Variants in ADAMTS17 observed in about 807,000 individuals in gnomAD.
The protein encoded by ADAMTS17 is A disintegrin and metalloproteinase with thrombospondin motifs 17.
ADAMTS17 carries 113 observed loss-of-function variants against 141.5 expected under a neutral mutation model. The ratio of observed to expected loss-of-function variants is 0.80; its 90% confidence interval spans 0.69 to 0.93. The LOEUF (loss-of-function observed/expected upper bound fraction) is 0.93. Among genes scored for constraint, ADAMTS17 ranks in the 40% least tolerant of loss-of-function variants. The pLI, the probability that ADAMTS17 is intolerant of heterozygous loss-of-function variation, is 0.00. For synonymous variants in ADAMTS17, 768 were observed against 630.6 expected (o/e 1.22, Z -3.27); for missense variants, 1,659 against 1,517.9 (o/e 1.09, Z -1.54).
chr15:100,033,791 A>C (rs1328694961), intron 18 of ADAMTS17, among the ~76,000 whole-genome samples: 1 of 151,920 alleles, frequency 6.6e-6, no homozygotes, highest in Non-Finnish European at 1.5e-5. Flanking sequence ...TTTGGGAGCT[A>C]CTCCACATTC....
intron 4 of ADAMTS17, among the ~76,000 whole-genome samples, chr15:100,271,677 G>A (rs1438779070): frequency 1.3e-5 from 2 of 151,810 alleles, no homozygotes; most frequent in Non-Finnish European, 2.9e-5. Flanking sequence ...CCTATTCCGT[G>A]GGTTGCCATT....
intron 8 of ADAMTS17, among the ~76,000 whole-genome samples, chr15:100,188,994 G>A (rs530232401): frequency 1.8e-4 from 27 of 152,344 alleles, no homozygotes; most frequent in African/African-American, 6.0e-4. Flanking sequence ...TGAGGAATGA[G>A]TTAAACCAAA....
chr15:100,135,607 A>G (rs1035732870), intron 10 of ADAMTS17, among the ~76,000 whole-genome samples: 7 of 152,178 alleles, frequency 4.6e-5, no homozygotes, highest in Non-Finnish European at 8.8e-5. Context: ...CTGTTTACCA[A>G]AAGGCAACTG....
intron 10 of ADAMTS17, among the ~76,000 whole-genome samples, chr15:100,134,611 A>C (rs2038230755): frequency 6.6e-6 from 1 of 152,184 alleles, no homozygotes; most frequent in African/African-American, 2.4e-5. Context: ...CTTCCAAGTA[A>C]TCTCAAACAT....
intron 7 of ADAMTS17, among the ~76,000 whole-genome samples, chr15:100,201,922 G>A (rs1465149625): frequency 6.6e-6 from 1 of 152,222 alleles, no homozygotes; most frequent in Non-Finnish European, 1.5e-5. Flanking sequence ...TGTGCACGCG[G>A]CCCACGTGGG....
chr15:100,244,873 T>C (rs2042939907), intron 7 of ADAMTS17, among the ~76,000 whole-genome samples: 1 of 152,146 alleles, frequency 6.6e-6, no homozygotes, highest in South Asian at 2.1e-4. Context: ...GGACTCACAG[T>C]GACAGAGGAA....
chr15:100,221,487 T>C lies in ADAMTS17; in HGVS notation c.1076-22064A>G, dbSNP rs556297979. Among the ~76,000 whole-genome samples the C allele has an allele frequency of 1.1e-4, 16 of 152,342 alleles. No individual in the cohort carries two copies. The South Asian group carries it at 1.9e-3, about 18-fold the overall frequency. On this transcript the variant is annotated intron_variant, in intron 7 of 21. Transcript: ENST00000268070. ...TGAATGGTCAGCCGTTGGGAAATTTTATGCTATAATACCTATTGTTCTTTT... is the reference window on the plus strand; with the variant it reads ...TGAATGGTCAGCCGTTGGGAAATTTCATGCTATAATACCTATTGTTCTTTT...
Position 100,331,066 on chromosome 15 carries a change from G to A in ADAMTS17, c.451-12C>T. The A allele has an allele frequency of 6.2e-7, 1 of 1,614,184 alleles. No homozygotes were observed. Among genetic ancestry groups the A allele is most frequent in the Non-Finnish European group, 8.5e-7 (1 of 1,180,028 alleles). ...TGAATGAGGCCAACCTGTCCAGAAA[G>A]GAGAAGGAAACGCGATGTCGGTCAT... On this transcript the variant is annotated splice_polypyrimidine_tract_variant and intron_variant, in intron 2 of 21. Coordinates refer to ENST00000268070, the MANE Select transcript of ADAMTS17 (RefSeq NM_139057.4).
chr15:100,114,600 C>T (rs371596015), intron 13 of ADAMTS17, among the ~76,000 whole-genome samples: 4 of 152,186 alleles, frequency 2.6e-5, no homozygotes, highest in African/African-American at 7.2e-5. Context: ...CTCCTTCAAA[C>T]GCGAGATACT....
chr15:100,022,454 G>A (rs933746026), intron 18 of ADAMTS17, among the ~76,000 whole-genome samples: 2 of 152,206 alleles, frequency 1.3e-5, no homozygotes, highest in Admixed American at 1.3e-4. Context: ...AGTGGGATAA[G>A]TCTACATTAA....
intron 10 of ADAMTS17, 93 bp downstream of exon 10, chr15:100,152,518 TG>T (rs977360362): frequency 2.6e-6 from 4 of 1,541,958 alleles, no homozygotes; most frequent in Non-Finnish European, 3.5e-6. Flanking sequence ...CTGTGCTGAG[TG>T]TGAATGCCCA....
At chr15:100,081,695 C>A (rs532990849) in intron 15 of ADAMTS17, among the ~76,000 whole-genome samples, 1 of 152,170 alleles carries the variant, frequency 6.6e-6, no homozygotes, top group Non-Finnish European at 1.5e-5. Context: ...CAACACTATA[C>A]GAGAGTAAAC....
chr15:100,276,632 A>T (rs2044106743), intron 4 of ADAMTS17, among the ~76,000 whole-genome samples: 1 of 152,064 alleles, frequency 6.6e-6, no homozygotes, highest in South Asian at 2.1e-4. Context: ...TTTCCTTCCA[A>T]ATCTGGAGGG....
intron 8 of ADAMTS17, among the ~76,000 whole-genome samples, chr15:100,192,055 T>C (rs1245098377): frequency 2.0e-5 from 3 of 152,102 alleles, no homozygotes; most frequent in Non-Finnish European, 2.9e-5. Flanking sequence ...TAAATATAAA[T>C]ACATAAATAA....
chr15:100,178,629 T>G (rs2141513331), intron 8 of ADAMTS17, among the ~76,000 whole-genome samples: 1 of 152,324 alleles, frequency 6.6e-6, no homozygotes, highest in East Asian at 1.9e-4. Context: ...CTGTTGTTTT[T>G]TACTATTGTT....
intron 3 of ADAMTS17, among the ~76,000 whole-genome samples, chr15:100,323,084 C>CAAAAA (rs60468549): frequency 0.065 from 6,985 of 107,108 alleles, 390 homozygotes; most frequent in Non-Finnish European, 0.1. Context: ...GACTCCGTCT[C>CAAAAA]AAAAAAAAAA....
Position 99,997,326 on chromosome 15 carries a change from C to T in ADAMTS17, c.2796+59G>A. The T allele has an allele frequency of 1.3e-6, 2 of 1,598,602 alleles. No individual in the cohort carries two copies. Among genetic ancestry groups the T allele is most frequent in the Non-Finnish European group, 1.7e-6 (2 of 1,167,920 alleles). ...GGGAGGCACCAGAATGTCACCAATA[C>T]CATGGCACCGTGTTGGAGTCCCTGT... On this transcript the variant is annotated intron_variant, in intron 19 of 21. Coordinates refer to ENST00000268070, the MANE Select transcript of ADAMTS17 (RefSeq NM_139057.4). The surrounding 1 kb of genome is among the most constrained non-coding windows in gnomAD (Gnocchi z 4.7).
At chr15:100,174,002 T>A (rs556483176) in intron 8 of ADAMTS17, among the ~76,000 whole-genome samples, 1 of 152,262 alleles carries the variant, frequency 6.6e-6, no homozygotes, top group Admixed American at 6.5e-5. Flanking sequence ...CCTTCACACA[T>A]CTTCCAGGCA....
In ADAMTS17 at chr15:100,109,087, G is replaced by A. The variant is rs1334039380; in HGVS notation, c.1918C>T (p.Leu640Phe). Residue 640 changes from leucine (L) to phenylalanine (F), a missense_variant, in exon 14 of 22, where the codon CTC becomes TTC. Leu to Phe is a conservative substitution (Grantham distance 22, BLOSUM62 0). Coordinates refer to ENST00000268070, the MANE Select transcript of ADAMTS17 (RefSeq NM_139057.4). ...DKPCELYCSP[L>F]GKESPLLVAD... is the part of the protein sequence containing the mutation. Reference sequence around the variant, plus strand: ...ACCAGCAGTGGGGACTCCTTCCCGAGGGGCGAGCAGTAGAGTTCACATGGC... The same window carrying A: ...ACCAGCAGTGGGGACTCCTTCCCGAAGGGCGAGCAGTAGAGTTCACATGGC... 8.1e-6 allele frequency: 13 copies of A among 1,613,488 alleles called. No individual in the cohort carries two copies. Among genetic ancestry groups the A allele is most frequent in the Non-Finnish European group, 1.1e-5 (13 of 1,179,860 alleles).
Sources: allele counts gnomAD v4.1 joint callset (sites outside exome capture counted in the v4.1 genomes callset), GRCh38; gene constraint gnomAD v4.1.1; non-coding constraint Gnocchi (gnomAD v3.1); transcripts MANE v1.5; gene names NCBI Gene and HGNC (gene_info 2026-07-23, HGNC 2026-07-21).